Variants in DARS1 observed in about 807,000 individuals in gnomAD.
DARS1 encodes aspartyl-tRNA synthetase 1.
In DARS1, 51 loss-of-function variants were observed where a neutral mutation model predicts 68.8. The observed-to-expected ratio is 0.74, with a 90% CI of 0.59 to 0.94. The LOEUF is 0.94. DARS1 is among the 40% of genes least tolerant of loss of function. The probability of loss-of-function intolerance (pLI) is 0.00; values close to 1 mark genes in which losing one functional copy is unlikely to be tolerated. For synonymous variants in DARS1, 203 were observed against 190.4 expected, an observed-to-expected ratio of 1.07 and a Z score of -0.55; for missense variants, 607 against 597.3, an observed-to-expected ratio of 1.02 and a Z score of -0.17.
intron 7 of DARS1, among the ~76,000 whole-genome samples, chr2:135,926,844 T>A (rs1681222034): frequency 1.3e-5 from 2 of 152,132 alleles, no homozygotes; most frequent in South Asian, 4.1e-4. Context: ...AATAATGTCC[T>A]CAGGCCCAGG....
Position 135,975,695 on chromosome 2 carries a change from A to G in DARS1, c.217+3579T>C, listed in dbSNP as rs919356085. 2.0e-5 allele frequency among the ~76,000 whole-genome samples: 3 copies of G among 149,004 alleles called. No individual in the cohort carries two copies. In the Admixed American group the frequency reaches 2.0e-4, roughly 10 times the overall value. ...CTGTAGTCCTAGCTAAGGAGGCTGC[A>G]GTGAACCGAGACCACACCACTGCAC... On this transcript the variant is annotated intron_variant, in intron 3 of 15. Coordinates refer to ENST00000264161, the MANE Select transcript of DARS1 (RefSeq NM_001349.4).
chr2:135,926,323 A>G (rs1289627786), intron 7 of DARS1, among the ~76,000 whole-genome samples: 2 of 152,234 alleles, frequency 1.3e-5, no homozygotes, highest in Non-Finnish European at 2.9e-5. Context: ...GATTGTACAA[A>G]CAACTATGTT....
At chr2:135,972,197 T>A (rs1216358513) in intron 3 of DARS1, among the ~76,000 whole-genome samples, 1 of 152,140 alleles carries the variant, frequency 6.6e-6, no homozygotes, top group African/African-American at 2.4e-5. Context: ...GGAGCTATAG[T>A]AACCAAAAAC....
chr2:135,970,101 G>A (rs1682332000), intron 3 of DARS1, among the ~76,000 whole-genome samples: 2 of 152,118 alleles, frequency 1.3e-5, no homozygotes, highest in South Asian at 4.1e-4. Context: ...AGCAAGCTGG[G>A]CACAGTGGTG....
intron 3 of DARS1, among the ~76,000 whole-genome samples, chr2:135,970,052 C>T (rs936687585): frequency 2.0e-5 from 3 of 152,002 alleles, no homozygotes; most frequent in Non-Finnish European, 2.9e-5. Context: ...ACTTTAGAAA[C>T]ATTTGAGAAC....
chr2:135,910,582 A>G (rs1219347633), intron 15 of DARS1, among the ~76,000 whole-genome samples: 7 of 152,104 alleles, frequency 4.6e-5, no homozygotes, highest in African/African-American at 1.7e-4. Flanking sequence ...TGTTGAAAAA[A>G]CTGTCTCTCG....
intron 5 of DARS1, among the ~76,000 whole-genome samples, chr2:135,938,317 G>A (rs1170834800): frequency 1.3e-5 from 2 of 152,110 alleles, no homozygotes; most frequent in East Asian, 3.8e-4. Context: ...CGTAGTTCCT[G>A]TGCCATGGTT....
At chr2:135,948,765 G>A (rs1393285892) in intron 4 of DARS1, among the ~76,000 whole-genome samples, 1 of 152,102 alleles carries the variant, frequency 6.6e-6, no homozygotes, top group Non-Finnish European at 1.5e-5. Context: ...TAGATACTCG[G>A]GAGGCTGAGG....
chr2:135,976,499 C>A (rs1246436116), intron 3 of DARS1, among the ~76,000 whole-genome samples: 1 of 152,122 alleles, frequency 6.6e-6, no homozygotes, highest in African/African-American at 2.4e-5. Context: ...TCCCTATCCA[C>A]CCACCATGAT....
intron 10 of DARS1, among the ~76,000 whole-genome samples, chr2:135,917,529 G>A (rs914329576): frequency 5.3e-5 from 8 of 152,004 alleles, no homozygotes; most frequent in African/African-American, 1.4e-4. Context: ...AGGCTGGAGC[G>A]CAGTGGTGCA....
At chr2:135,979,736 T>C (rs569717108) in intron 2 of DARS1, among the ~76,000 whole-genome samples, 21 of 152,170 alleles carry the variant, frequency 1.4e-4, no homozygotes, top group Non-Finnish European at 2.6e-4. Context: ...ATCTGAACAC[T>C]TCAATGACTT....
chr2:135,975,753 C>CACAA (rs1682483380), intron 3 of DARS1, among the ~76,000 whole-genome samples: 1 of 71,746 alleles, frequency 1.4e-5, no homozygotes, highest in Non-Finnish European at 3.0e-5. Context: ...GACCCTGACT[C>CACAA]AAAAAAAAAA....
chr2:135,976,064 C>G (rs1682490927), intron 3 of DARS1, among the ~76,000 whole-genome samples: 1 of 152,060 alleles, frequency 6.6e-6, no homozygotes, highest in Non-Finnish European at 1.5e-5. Flanking sequence ...ATGGTTATTA[C>G]TTTTATAATC....
intron 3 of DARS1, among the ~76,000 whole-genome samples, chr2:135,971,844 C>A (rs1682377701): frequency 6.6e-6 from 1 of 151,952 alleles, no homozygotes; most frequent in Non-Finnish European, 1.5e-5. Flanking sequence ...ATCCCACATA[C>A]AATAACCACA....
At chr2:135,960,763 G>A (rs1682080672) in intron 4 of DARS1, among the ~76,000 whole-genome samples, 2 of 152,176 alleles carry the variant, frequency 1.3e-5, no homozygotes, top group African/African-American at 4.8e-5. Context: ...TAGAGCCACT[G>A]CACACACAAC....
intron 7 of DARS1, among the ~76,000 whole-genome samples, chr2:135,930,333 C>T (rs1392413117): frequency 2.0e-5 from 3 of 152,168 alleles, no homozygotes; most frequent in Non-Finnish European, 2.9e-5. Context: ...GGTGTATTAG[C>T]AAACAAAGAG....
At chr2:135,953,260 G>C (rs1681883223) in intron 4 of DARS1, among the ~76,000 whole-genome samples, 1 of 152,178 alleles carries the variant, frequency 6.6e-6, no homozygotes, top group Non-Finnish European at 1.5e-5. Context: ...GACTTTAGTT[G>C]GTACAAGTGT....
chr2:135,952,340 T>G (rs970145566), intron 4 of DARS1, among the ~76,000 whole-genome samples: 1 of 152,228 alleles, frequency 6.6e-6, no homozygotes, highest in Non-Finnish European at 1.5e-5. Flanking sequence ...TCTCCATATA[T>G]GTACACATCG....
intron 11 of DARS1, among the ~76,000 whole-genome samples, chr2:135,915,317 A>G (rs1191347360): frequency 1.3e-5 from 2 of 152,056 alleles, no homozygotes; most frequent in Non-Finnish European, 2.9e-5. Context: ...ACAGGCTTTC[A>G]CTCTGTCACC....
Sources: allele counts gnomAD v4.1 joint callset (sites outside exome capture counted in the v4.1 genomes callset), GRCh38; gene constraint gnomAD v4.1.1; transcripts MANE v1.5; gene names NCBI Gene and HGNC (gene_info 2026-07-23, HGNC 2026-07-21).